The following MAP4K3 variants were observed in gnomAD, a reference collection of about 807,000 sequenced individuals.
MAP4K3 encodes the protein mitogen-activated protein kinase kinase kinase kinase 3.
A neutral mutation model predicts 143.5 loss-of-function variants in MAP4K3; 94 were observed. The observed-to-expected ratio is 0.65, with a 90% CI of 0.55 to 0.78. The LOEUF (loss-of-function observed/expected upper bound fraction) is 0.78, where lower values mean the gene tolerates loss of function less well. Among genes scored for constraint, MAP4K3 ranks in the 30% least tolerant of loss-of-function variants. MAP4K3 has a pLI of 0.00. For missense variants in MAP4K3, 1,077 were observed against 1,068.1 expected (o/e 1.01, Z -0.12); for synonymous variants, 416 against 347.2 (o/e 1.20, Z -2.20).
intron 32 of MAP4K3, among the ~76,000 whole-genome samples, chr2:39,252,687 G>C (rs1323521944): frequency 2.0e-5 from 3 of 152,090 alleles, no homozygotes; most frequent in African/African-American, 7.2e-5. Context: ...CCCAAAATTT[G>C]GTAGGCTGAA....
At position 39,267,612 on chromosome 2, in the gene MAP4K3, G is replaced by C. The variant is rs1005744636; in HGVS notation, c.1974-365C>G. Among the ~76,000 whole-genome samples the C allele has an allele frequency of 6.6e-5, 10 of 150,706 alleles. No homozygotes were observed. In the East Asian group the frequency reaches 1.6e-3, roughly 23 times the overall value. On this transcript the variant is annotated intron_variant, in intron 26 of 33. Coordinates refer to ENST00000263881, the MANE Select transcript of MAP4K3 (RefSeq NM_003618.4). ...CGCTTGAACCCAGGAGGTGGAGGAT[G>C]TGGTGAGCCGAGAGCACACCATTGC...
At chr2:39,425,555 GAAAGT>G (rs1487929724) in intron 1 of MAP4K3, among the ~76,000 whole-genome samples, 1 of 152,108 alleles carries the variant, frequency 6.6e-6, no homozygotes, top group Non-Finnish European at 1.5e-5. Flanking sequence ...AGAGACACCA[GAAAGT>G]ATGCCCTCTC....
intron 1 of MAP4K3, among the ~76,000 whole-genome samples, chr2:39,397,923 A>G (rs1666852570): frequency 6.6e-6 from 1 of 152,230 alleles, no homozygotes; most frequent in South Asian, 2.1e-4. Flanking sequence ...CAAACAAAAA[A>G]TATACAGTGA....
chr2:39,313,512 C>T (rs1316173336), intron 13 of MAP4K3, among the ~76,000 whole-genome samples: 1 of 151,286 alleles, frequency 6.6e-6, no homozygotes, highest in East Asian at 1.9e-4. Flanking sequence ...CTTTCTCTCT[C>T]TCTTCTCTCT....
intron 2 of MAP4K3, 135 bp downstream of exon 2, chr2:39,377,931 A>G: frequency 1.6e-6 from 1 of 633,102 alleles, no homozygotes; most frequent in Non-Finnish European, 2.8e-6. Flanking sequence ...AGTGGAGGAA[A>G]GGGCATACAA....
chr2:39,321,234 T>C (rs1257028229), intron 12 of MAP4K3, among the ~76,000 whole-genome samples: 2 of 152,250 alleles, frequency 1.3e-5, no homozygotes, highest in African/African-American at 4.8e-5. Context: ...CTCCATTTTG[T>C]TCTATACTAA....
At chr2:39,343,543 C>A (rs1361737649) in intron 3 of MAP4K3, 91 bp from the exon 4 acceptor site, 24 of 940,820 alleles carry the variant, frequency 2.6e-5, no homozygotes, top group Non-Finnish European at 3.8e-5. Context: ...AGCTGTAACA[C>A]TGAAAAACAA....
intron 19 of MAP4K3, among the ~76,000 whole-genome samples, chr2:39,289,662 G>A (rs1229537245): frequency 6.6e-6 from 1 of 152,120 alleles, no homozygotes; most frequent in African/African-American, 2.4e-5. Context: ...TAGAAGTCAG[G>A]AATAGGTTGC....
At chr2:39,386,562 A>G (rs1006372593) in intron 1 of MAP4K3, among the ~76,000 whole-genome samples, 1 of 152,192 alleles carries the variant, frequency 6.6e-6, no homozygotes, top group African/African-American at 2.4e-5. Context: ...ATACATTTTG[A>G]GATCATTTTT....
intron 1 of MAP4K3, among the ~76,000 whole-genome samples, chr2:39,417,525 A>C (rs1481129780): frequency 6.6e-6 from 1 of 152,120 alleles, no homozygotes; most frequent in Non-Finnish European, 1.5e-5. Context: ...CCCGAAAGCC[A>C]GGTTTCTTAC....
chr2:39,322,771 G>C (rs1683354213), intron 12 of MAP4K3, among the ~76,000 whole-genome samples: 1 of 151,362 alleles, frequency 6.6e-6, no homozygotes, highest in Non-Finnish European at 1.5e-5. Context: ...CCAGGTTCAA[G>C]CAATTCTCTT....
intron 1 of MAP4K3, among the ~76,000 whole-genome samples, chr2:39,411,116 C>A (rs1238135168): frequency 6.6e-6 from 1 of 152,060 alleles, no homozygotes; most frequent in East Asian, 1.9e-4. Flanking sequence ...TAATTGTATG[C>A]CTTAAGTTTA....
intron 2 of MAP4K3, among the ~76,000 whole-genome samples, chr2:39,364,576 G>A (rs755834007): frequency 1.3e-5 from 2 of 152,124 alleles, no homozygotes; most frequent in African/African-American, 2.4e-5. Flanking sequence ...CAATCAAAAC[G>A]TGTAAGGTGG....
Position 39,254,596 on chromosome 2 carries a change from C to T in MAP4K3, c.2471-76G>A, listed in dbSNP as rs1680275537. 9.9e-6 allele frequency: 10 copies of T among 1,010,672 alleles called. No individual in the cohort carries two copies. In the South Asian group the frequency reaches 1.4e-4, roughly 15 times the overall value. The allele number at this position is 1,010,672 out of a possible 1,614,324, so 62.6% of individuals were successfully genotyped here. On this transcript the variant is annotated intron_variant, in intron 31 of 33. Coordinates refer to ENST00000263881, the MANE Select transcript of MAP4K3 (RefSeq NM_003618.4). ...GATAAGCATCATTTCATCCCTCTAT[C>T]TCATACAGCAATATTTCAATTCACA...
intron 31 of MAP4K3, among the ~76,000 whole-genome samples, chr2:39,256,743 G>A (rs1169270826): frequency 6.6e-6 from 1 of 152,078 alleles, no homozygotes; most frequent in African/African-American, 2.4e-5. Flanking sequence ...AGAATTCCTT[G>A]TCTGTAGTCT....
At chr2:39,265,060 T>C in intron 28 of MAP4K3, 143 bp downstream of exon 28, 1 of 635,754 alleles carries the variant, frequency 1.6e-6, no homozygotes, top group South Asian at 2.1e-5. Flanking sequence ...TGCTTACAAC[T>C]GGGCAGATTT....
intron 1 of MAP4K3, among the ~76,000 whole-genome samples, chr2:39,391,611 A>G (rs1666662455): frequency 6.6e-6 from 1 of 152,158 alleles, no homozygotes; most frequent in Non-Finnish European, 1.5e-5. Flanking sequence ...ATTCACTACT[A>G]TATCCTTGGC....
At chr2:39,372,326 C>A (rs1040216833) in intron 2 of MAP4K3, among the ~76,000 whole-genome samples, 1 of 151,632 alleles carries the variant, frequency 6.6e-6, no homozygotes, top group Admixed American at 6.6e-5. Context: ...TGTTCATGGA[C>A]TGGAAGAATC....
intron 28 of MAP4K3, among the ~76,000 whole-genome samples, chr2:39,263,045 T>A (rs1680628996): frequency 6.6e-6 from 1 of 151,664 alleles, no homozygotes; most frequent in African/African-American, 2.4e-5. Context: ...TGAGCTGAGA[T>A]CATGCCACTG....
Sources: allele counts gnomAD v4.1 joint callset (sites outside exome capture counted in the v4.1 genomes callset), GRCh38; gene constraint gnomAD v4.1.1; transcripts MANE v1.5; gene names NCBI Gene and HGNC (gene_info 2026-07-23, HGNC 2026-07-21).